Variants in XKR4 observed in about 807,000 individuals in gnomAD.
XKR4 encodes the protein XK related 4, also known as XK-related protein 4.
Under a neutral mutation model 53.9 loss-of-function variants are expected in XKR4, and 12 were observed. That is an observed-to-expected ratio of 0.22 (90% CI 0.14 to 0.36). XKR4 has a LOEUF of 0.36. Among genes scored for constraint, XKR4 ranks in the 10% least tolerant of loss-of-function variants. XKR4 has a pLI of 1.00. For missense variants in XKR4, 799 were observed against 859.5 expected (o/e 0.93, Z 0.88); for synonymous variants, 354 against 362.4 (o/e 0.98, Z 0.26).
intron 1 of XKR4, among the ~76,000 whole-genome samples, chr8:55,282,252 A>G (rs1192989293): frequency 2.6e-5 from 4 of 152,164 alleles, no homozygotes; most frequent in Admixed American, 2.6e-4. Flanking sequence ...AAAAATTCCT[A>G]TTGCCTTGTG....
intron 1 of XKR4, among the ~76,000 whole-genome samples, chr8:55,310,628 G>A (rs1465135406): frequency 6.6e-6 from 1 of 152,166 alleles, no homozygotes; most frequent in Non-Finnish European, 1.5e-5. Context: ...TTGGTTCCCT[G>A]AGTAAGTTTG....
At chr8:55,484,118 C>A (rs1004560612) in intron 2 of XKR4, among the ~76,000 whole-genome samples, 10 of 152,118 alleles carry the variant, frequency 6.6e-5, no homozygotes, top group African/African-American at 2.4e-4. Flanking sequence ...ACATAAGCTA[C>A]CCCAACTCAC....
At chr8:55,173,881 T>G (rs1406469524) in intron 1 of XKR4, among the ~76,000 whole-genome samples, 1 of 152,236 alleles carries the variant, frequency 6.6e-6, no homozygotes, top group Non-Finnish European at 1.5e-5. Context: ...CAAAAATGTG[T>G]CATTCTTTCA....
In XKR4 at chr8:55,369,191, A is replaced by C. The variant is rs184783011; in HGVS notation, c.1006+11314A>C. ...AGCCTGAGCAACACAGCAAGACCCCATCTCTACAAAAGAGAAAAGAAATTA... is the reference window on the plus strand; with the variant it reads ...AGCCTGAGCAACACAGCAAGACCCCCTCTCTACAAAAGAGAAAAGAAATTA... On this transcript the variant is annotated intron_variant, in intron 2 of 2. Transcript: ENST00000327381. Among the ~76,000 whole-genome samples the C allele has an allele frequency of 5.4e-4, 82 of 151,872 alleles. 1 individual carries two copies. In the East Asian group the frequency reaches 0.016, roughly 29 times the overall value.
chr8:55,298,382 A>G (rs946252849), intron 1 of XKR4, among the ~76,000 whole-genome samples: 2 of 152,226 alleles, frequency 1.3e-5, no homozygotes, highest in African/African-American at 4.8e-5. Context: ...TTATAAAGAA[A>G]AGAATTTTAT....
chr8:55,125,479 C>G (rs1816452270), intron 1 of XKR4, among the ~76,000 whole-genome samples: 1 of 152,226 alleles, frequency 6.6e-6, no homozygotes, highest in South Asian at 2.1e-4. Flanking sequence ...GGTGATCCGC[C>G]CGCCTTGGTC....
chr8:55,302,891 T>C (rs527588351), intron 1 of XKR4, among the ~76,000 whole-genome samples: 1 of 152,196 alleles, frequency 6.6e-6, no homozygotes, highest in Non-Finnish European at 1.5e-5. Context: ...TTAAGGAGAT[T>C]TTGGGCTGAG....
intron 2 of XKR4, among the ~76,000 whole-genome samples, chr8:55,400,801 C>T (rs895953319): frequency 6.6e-6 from 1 of 152,188 alleles, no homozygotes; most frequent in Non-Finnish European, 1.5e-5. Context: ...CTTGCCTTCC[C>T]TCTTCCACGT....
intron 2 of XKR4, among the ~76,000 whole-genome samples, chr8:55,456,600 C>T (rs1274609153): frequency 1.3e-5 from 2 of 151,926 alleles, no homozygotes; most frequent in Non-Finnish European, 2.9e-5. Flanking sequence ...TGAAAAAGAA[C>T]CAAATAGAAA....
chr8:55,206,488 A>G (rs1817652897), intron 1 of XKR4, among the ~76,000 whole-genome samples: 1 of 152,180 alleles, frequency 6.6e-6, no homozygotes, highest in Admixed American at 6.5e-5. Flanking sequence ...AGCATGTAAA[A>G]TTTCCTTCAT....
In XKR4 at chr8:55,511,329, T is replaced by C. The variant is rs184755571; in HGVS notation, c.1007-11952T>C. Among the ~76,000 whole-genome samples, 24 of 152,320 alleles carry C rather than the reference T, an allele frequency of 1.6e-4. No homozygotes were observed. The East Asian group carries it at 4.0e-3, about 26-fold the overall frequency. On this transcript the variant is annotated intron_variant, in intron 2 of 2. Coordinates refer to ENST00000327381, the MANE Select transcript of XKR4 (RefSeq NM_052898.2). ...GGGCATCAATTTCTGCCAGAAATTA[T>C]TTGCGGAATGAAGCCAGGAAACATA...
At chr8:55,154,497 G>C (rs1479689083) in intron 1 of XKR4, among the ~76,000 whole-genome samples, 1 of 152,042 alleles carries the variant, frequency 6.6e-6, no homozygotes, top group Non-Finnish European at 1.5e-5. Context: ...ATATTCCCAA[G>C]AAAAATGTAC....
intron 2 of XKR4, chr8:55,452,615 G>A (rs1161920631): frequency 9.6e-6 from 11 of 1,149,288 alleles, no homozygotes; most frequent in East Asian, 2.3e-5. Flanking sequence ...TTATCTGGAC[G>A]ATGTCTGGCA....
chr8:55,393,492 A>G (rs1227385703), intron 2 of XKR4, among the ~76,000 whole-genome samples: 3 of 152,140 alleles, frequency 2.0e-5, no homozygotes, highest in African/African-American at 7.2e-5. Context: ...ATTGTGGCAA[A>G]AATATTCATA....
chr8:55,348,424 A>G (rs1026361520), intron 1 of XKR4, among the ~76,000 whole-genome samples: 1 of 152,184 alleles, frequency 6.6e-6, no homozygotes, highest in African/African-American at 2.4e-5. Flanking sequence ...ATCGTCTATG[A>G]GAACCAGAAG....
In XKR4 at chr8:55,357,847, G is replaced by T. The variant is rs774770122; in HGVS notation, c.976G>T (p.Val326Leu). 6.2e-7 allele frequency: 1 copy of T among 1,614,062 alleles called. No homozygotes were observed. The highest frequency in any genetic ancestry group is 2.2e-5 in the East Asian group (1 of 44,880). ...GCTGGTCCTGCAGCTCTGCATTATCGTACAGACTCATAGCTTACAGGCCCT... is the reference window on the plus strand; with the variant it reads ...GCTGGTCCTGCAGCTCTGCATTATCTTACAGACTCATAGCTTACAGGCCCT... ...PQLVLQLCII[V>L]QTHSLQALQG... Residue 326 changes from valine (V) to leucine (L), a missense_variant, in exon 2 of 3, where the codon GTA (valine) becomes TTA (leucine). Coordinates refer to ENST00000327381, the MANE Select transcript of XKR4 (RefSeq NM_052898.2).
chr8:55,108,921 A>G (rs1816191731), intron 1 of XKR4, among the ~76,000 whole-genome samples: 1 of 152,158 alleles, frequency 6.6e-6, no homozygotes, highest in South Asian at 2.1e-4. Flanking sequence ...CAATACTGAT[A>G]TGGGAGGGGT....
rs532119806 is a variant in XKR4 at position 55,490,103 on chromosome 8, A to C, written c.1007-33178A>C. Among the ~76,000 whole-genome samples the C allele has an allele frequency of 2.0e-5, 3 of 152,086 alleles. No homozygotes were observed. The South Asian group carries it at 6.2e-4, about 32-fold the overall frequency. Reference sequence around the variant, plus strand: ...TGACACTCTTTATTACTTTGCATACATCCAAGTTTGCTTCTAATATGCTTT... The same window carrying C: ...TGACACTCTTTATTACTTTGCATACCTCCAAGTTTGCTTCTAATATGCTTT... On this transcript the variant is annotated intron_variant, in intron 2 of 2. Transcript: ENST00000327381.
In XKR4 at chr8:55,382,149, G is replaced by A. The variant is rs574256781; in HGVS notation, c.1006+24272G>A. On this transcript the variant is annotated intron_variant, in intron 2 of 2. Transcript: ENST00000327381. ...AAATTTTCCCATTTTAAATGGCCAGGAAAAACAATAATTATTTTTCTGATG... is the reference window on the plus strand; with the variant it reads ...AAATTTTCCCATTTTAAATGGCCAGAAAAAACAATAATTATTTTTCTGATG... Among the ~76,000 whole-genome samples the A allele has an allele frequency of 2.0e-5, 3 of 152,236 alleles. No individual in the cohort carries two copies. In the East Asian group the frequency reaches 5.8e-4, roughly 29 times the overall value.
Sources: allele counts gnomAD v4.1 joint callset (sites outside exome capture counted in the v4.1 genomes callset), GRCh38; gene constraint gnomAD v4.1.1; transcripts MANE v1.5; gene names NCBI Gene and HGNC (gene_info 2026-07-23, HGNC 2026-07-21).